CENPP: variants seen among roughly 807,000 people sequenced by gnomAD.
CENPP encodes the protein centromere protein P.
Under a neutral mutation model 35.6 loss-of-function variants are expected in CENPP, and 24 were observed. That is an observed-to-expected ratio of 0.67 (90% CI 0.49 to 0.95). CENPP has a LOEUF of 0.95. Ranked by LOEUF, CENPP falls within the 40% of genes least tolerant of loss-of-function variation. The pLI, the probability that CENPP is intolerant of heterozygous loss-of-function variation, is 0.00. For missense variants in CENPP, 332 were observed against 345.3 expected (o/e 0.96, Z 0.31); for synonymous variants, 120 against 125.5 (o/e 0.96, Z 0.29).
At chr9:92,591,448 C>CA (rs1400812192) in intron 5 of CENPP, among the ~76,000 whole-genome samples, 6 of 148,310 alleles carry the variant, frequency 4.0e-5, no homozygotes, top group African/African-American at 1.5e-4. Flanking sequence ...ATAAGACCTG[C>CA]AGGGAAAAAA....
chr9:92,464,488 G>A (rs1845231161), intron 5 of CENPP, among the ~76,000 whole-genome samples: 1 of 152,204 alleles, frequency 6.6e-6, no homozygotes. Context: ...GTCCATTCCT[G>A]CCAGAGCCAG....
chr9:92,498,060 A>G (rs1846459173), intron 5 of CENPP, among the ~76,000 whole-genome samples: 1 of 152,042 alleles, frequency 6.6e-6, no homozygotes, highest in Non-Finnish European at 1.5e-5. Flanking sequence ...AGCCAAATAA[A>G]CCTTTTCTCT....
intron 4 of CENPP, among the ~76,000 whole-genome samples, chr9:92,353,305 C>A (rs1841510619): frequency 6.6e-6 from 1 of 152,124 alleles, no homozygotes; most frequent in South Asian, 2.1e-4. Flanking sequence ...CTTTTACTAC[C>A]CATTATGTAT....
chr9:92,386,316 T>A, intron 5 of CENPP: 1 of 1,459,538 alleles, frequency 6.9e-7, no homozygotes, highest in Non-Finnish European at 9.6e-7. Context: ...AAATTTCATG[T>A]GAGTGTTATT....
chr9:92,580,795 A>G (rs1273810466), intron 5 of CENPP, among the ~76,000 whole-genome samples: 1 of 152,184 alleles, frequency 6.6e-6, no homozygotes, highest in Non-Finnish European at 1.5e-5. Flanking sequence ...TTGTGTGTCT[A>G]TTTCCTTCAG....
At chr9:92,466,648 G>A in intron 5 of CENPP, 1 of 1,255,036 alleles carries the variant, frequency 8.0e-7, no homozygotes. Context: ...ATTAGCCAAT[G>A]ATGGAAATCA....
At chr9:92,334,962 G>A (rs765289958) in intron 2 of CENPP, among the ~76,000 whole-genome samples, 26 of 150,022 alleles carry the variant, frequency 1.7e-4, no homozygotes, top group East Asian at 4.0e-4. Flanking sequence ...CGAGGCGGGC[G>A]AATCACTTGA....
chr9:92,514,728 C>G (rs749910227), intron 5 of CENPP: 1 of 1,607,796 alleles, frequency 6.2e-7, no homozygotes, highest in Non-Finnish European at 8.5e-7. Flanking sequence ...ACAGAGAGCA[C>G]CCGCTTGGCA....
chr9:92,427,626 A>G (rs1844001330), intron 5 of CENPP, among the ~76,000 whole-genome samples: 1 of 151,636 alleles, frequency 6.6e-6, no homozygotes, highest in South Asian at 2.1e-4. Flanking sequence ...TATTACAGGC[A>G]TGTGCCACCA....
At chr9:92,416,380 C>T (rs1374152300) in intron 5 of CENPP, among the ~76,000 whole-genome samples, 1 of 152,040 alleles carries the variant, frequency 6.6e-6, no homozygotes, top group Non-Finnish European at 1.5e-5. Context: ...GCTCTGATTA[C>T]AGGCATGAGC....
intron 5 of CENPP, chr9:92,466,435 T>A: frequency 6.2e-7 from 1 of 1,610,262 alleles, no homozygotes; most frequent in Non-Finnish European, 8.5e-7. Context: ...AATTCTGAGT[T>A]CTGCTAATGA....
In CENPP at chr9:92,615,636, C is replaced by A. The variant is rs1159581152; in HGVS notation, c.*2487C>A. ...GTGAGCAGCTTCCTGGGACACAGCA[C>A]TCACTTCCTACATTCCTTGTCCAGG... On this transcript the variant is annotated 3_prime_UTR_variant, in exon 8 of 8. Transcript: ENST00000375587. The A allele has an allele frequency of 3.5e-6, 2 of 565,798 alleles. No homozygotes were observed. Among genetic ancestry groups the A allele is most frequent in the Admixed American group, 6.1e-5 (2 of 32,612 alleles). The allele number at this position is 565,798 out of a possible 1,614,324, so 35.0% of individuals were successfully genotyped here.
intron 5 of CENPP, among the ~76,000 whole-genome samples, chr9:92,541,492 C>T (rs1211041122): frequency 6.8e-6 from 1 of 146,980 alleles, no homozygotes; most frequent in African/African-American, 2.5e-5. Flanking sequence ...TCCCGAGTAG[C>T]TGGGATTGCA....
Position 92,450,823 on chromosome 9 carries a change from G to T in CENPP, c.564+70964G>T, listed in dbSNP as rs576097532. On this transcript the variant is annotated intron_variant, in intron 5 of 7. Coordinates refer to ENST00000375587, the MANE Select transcript of CENPP (RefSeq NM_001012267.3). The stretch of plus-strand genomic sequence containing the variant: ...TGAGATGGTATCTCATTGTGGTTTT[G>T]ATTTGCATTTCTCTGATGGTCAGTG... 3.8e-4 allele frequency among the ~76,000 whole-genome samples: 58 copies of T among 152,218 alleles called. No individual in the cohort carries two copies. The East Asian group carries it at 8.5e-3, about 22-fold the overall frequency.
chr9:92,335,624 A>T lies in CENPP; in HGVS notation c.290-1917A>T, dbSNP rs375943569. Among the ~76,000 whole-genome samples, 38 of 151,632 alleles carry T rather than the reference A, an allele frequency of 2.5e-4. 1 individual carries two copies. The East Asian group carries it at 2.5e-3, about 10-fold the overall frequency. On this transcript the variant is annotated intron_variant, in intron 2 of 7. Coordinates refer to ENST00000375587, the MANE Select transcript of CENPP (RefSeq NM_001012267.3). ...CATATGGATGTTCAGTTGATCCAGC[A>T]CCTTTTGTTAAAAAGACTATTCTTT...
At chr9:92,466,442 A>T in intron 5 of CENPP, 1 of 1,610,328 alleles carries the variant, frequency 6.2e-7, no homozygotes, top group Non-Finnish European at 8.5e-7. Flanking sequence ...AGTTCTGCTA[A>T]TGATTTGGGA....
intron 5 of CENPP, among the ~76,000 whole-genome samples, chr9:92,521,969 A>G (rs1013023927): frequency 1.3e-5 from 2 of 152,270 alleles, no homozygotes; most frequent in Non-Finnish European, 2.9e-5. Flanking sequence ...AGAAACCAAA[A>G]TGATAACTAT....
rs117199853 is a variant in CENPP at position 92,516,603 on chromosome 9, A to G, written c.565-94711A>G. On this transcript the variant is annotated intron_variant, in intron 5 of 7. Coordinates refer to ENST00000375587, the MANE Select transcript of CENPP (RefSeq NM_001012267.3). ...AGTAAAAGGAAACTAAAGCTATCATATTGAAACATTTAAAATCCTTCCTGT... is the reference window on the plus strand; with the variant it reads ...AGTAAAAGGAAACTAAAGCTATCATGTTGAAACATTTAAAATCCTTCCTGT... The G allele has an allele frequency of 1.6e-4, 24 of 152,366 alleles. No individual in the cohort carries two copies. In the East Asian group the frequency reaches 4.2e-3, roughly 27 times the overall value. 9.4% of individuals were successfully genotyped at this position (152,366 alleles called of 1,614,324 possible).
intron 5 of CENPP, chr9:92,403,088 T>A (rs1196273714): frequency 1.4e-5 from 8 of 563,226 alleles, no homozygotes; most frequent in Non-Finnish European, 2.5e-5. Flanking sequence ...AAATACAATC[T>A]TAGGGACAAT....
Sources: gnomAD v4.1 joint callset for allele counts (sites outside exome capture counted in the v4.1 genomes callset) on GRCh38, gnomAD v4.1.1 for gene constraint, MANE v1.5 for transcripts, NCBI Gene and HGNC (gene_info 2026-07-23, HGNC 2026-07-21) for gene names.